The following PDZD8 variants were observed in gnomAD, a reference collection of about 807,000 sequenced individuals.
The protein encoded by PDZD8 is PDZ domain containing 8, also known as PDZ domain-containing protein 8.
A neutral mutation model predicts 85.8 loss-of-function variants in PDZD8; 14 were observed. The observed-to-expected ratio is 0.16, with a 90% CI of 0.11 to 0.26. The LOEUF (loss-of-function observed/expected upper bound fraction) is 0.26. Among genes scored for constraint, PDZD8 ranks in the 10% least tolerant of loss-of-function variants. The pLI, the probability that PDZD8 is intolerant of heterozygous loss-of-function variation, is 1.00. For missense variants in PDZD8, 1,197 were observed against 1,424.3 expected (o/e 0.84, Z 2.57); for synonymous variants, 592 against 568.6 (o/e 1.04, Z -0.59).
chr10:117,370,136 T>TA (rs1425390067), intron 1 of PDZD8, among the ~76,000 whole-genome samples: 2 of 152,206 alleles, frequency 1.3e-5, no homozygotes, highest in East Asian at 1.9e-4. Context: ...CTATTTTAAT[T>TA]AAAAAATCAA....
At chr10:117,323,518 A>C (rs1444036953) in intron 2 of PDZD8, among the ~76,000 whole-genome samples, 1 of 152,184 alleles carries the variant, frequency 6.6e-6, no homozygotes, top group Admixed American at 6.5e-5. Context: ...GGACAAAAGC[A>C]TAGACAATTT....
intron 1 of PDZD8, 96 bp from the exon 2 acceptor site, chr10:117,341,198 G>T: frequency 7.6e-7 from 1 of 1,308,408 alleles, no homozygotes; most frequent in Non-Finnish European, 1.1e-6. Context: ...AAAGCAAAAT[G>T]AACACCTAAT....
intron 1 of PDZD8, among the ~76,000 whole-genome samples, chr10:117,359,773 G>GT (rs1844964544): frequency 1.3e-5 from 2 of 152,130 alleles, no homozygotes; most frequent in Middle Eastern, 3.4e-3. Context: ...TATCACCTTT[G>GT]TATTTCTGCA....
At chr10:117,339,567 T>C (rs984206173) in intron 2 of PDZD8, among the ~76,000 whole-genome samples, 12 of 152,232 alleles carry the variant, frequency 7.9e-5, no homozygotes, top group Non-Finnish European at 1.0e-4. Flanking sequence ...AGGGTTTCTA[T>C]GTTTTTAAAT....
At chr10:117,333,118 A>AAAAAAAAAC (rs1554854836) in intron 2 of PDZD8, among the ~76,000 whole-genome samples, 22,434 of 96,682 alleles carry the variant, frequency 0.23, 6,316 homozygotes, top group Non-Finnish European at 0.32. Flanking sequence ...ACTCTGTCTC[A>AAAAAAAAAC]AAAAAAAAAA....
intron 3 of PDZD8, among the ~76,000 whole-genome samples, chr10:117,315,600 A>AAAAAC (rs1844113280): frequency 6.9e-6 from 1 of 145,246 alleles, no homozygotes. Flanking sequence ...AAAAAAAAAA[A>AAAAAC]AAAAAAAAAA....
chr10:117,344,643 T>A (rs1337505832), intron 1 of PDZD8, among the ~76,000 whole-genome samples: 1 of 152,156 alleles, frequency 6.6e-6, no homozygotes, highest in Non-Finnish European at 1.5e-5. Context: ...CACCTCGGCC[T>A]CCCAAAGTGC....
At chr10:117,371,326 AG>A (rs1845187557) in intron 1 of PDZD8, among the ~76,000 whole-genome samples, 1 of 152,114 alleles carries the variant, frequency 6.6e-6, no homozygotes. Context: ...CTGGGATTAC[AG>A]GCGCCCGCCA....
intron 1 of PDZD8, among the ~76,000 whole-genome samples, chr10:117,370,789 A>G (rs1275414620): frequency 7.1e-6 from 1 of 141,668 alleles, no homozygotes; most frequent in African/African-American, 2.8e-5. Context: ...TGACCAATTT[A>G]AGAAAAAAAA....
At chr10:117,289,502 C>T (rs1051368249) in intron 4 of PDZD8, among the ~76,000 whole-genome samples, 1 of 152,214 alleles carries the variant, frequency 6.6e-6, no homozygotes, top group Non-Finnish European at 1.5e-5. Context: ...AAGGCTTGGA[C>T]TTTCCCCTCA....
At chr10:117,301,087 C>G (rs1843839333) in intron 3 of PDZD8, among the ~76,000 whole-genome samples, 1 of 152,138 alleles carries the variant, frequency 6.6e-6, no homozygotes, top group African/African-American at 2.4e-5. Flanking sequence ...CTCCCAGGTT[C>G]AAATAATTCT....
intron 2 of PDZD8, among the ~76,000 whole-genome samples, chr10:117,325,971 T>G (rs56311829): frequency 0.014 from 2,069 of 152,198 alleles, 49 homozygotes; most frequent in African/African-American, 0.046. Context: ...ACTCACAAGA[T>G]GTGATGGTTT....
rs536751148 is a variant in PDZD8, at chr10:117,333,695, G to A, written c.995+7285C>T. 4.6e-5 allele frequency among the ~76,000 whole-genome samples: 7 copies of A among 152,216 alleles called. No individual in the cohort carries two copies. The South Asian group carries it at 1.5e-3, about 32-fold the overall frequency. On this transcript the variant is annotated intron_variant, in intron 2 of 4. Transcript: ENST00000334464. Reference sequence around the variant, plus strand: ...TGAATTTCAAAATTTCATAATATTAGCAGCCTTCCCTACAGAACTAAACAT... The same window carrying A: ...TGAATTTCAAAATTTCATAATATTAACAGCCTTCCCTACAGAACTAAACAT...
intron 3 of PDZD8, among the ~76,000 whole-genome samples, chr10:117,304,668 G>A (rs557407785): frequency 3.3e-5 from 5 of 152,182 alleles, no homozygotes; most frequent in South Asian, 4.2e-4. Context: ...CATGGGGGCC[G>A]GTCTTTCCCA....
At chr10:117,338,095 C>T (rs1844548627) in intron 2 of PDZD8, among the ~76,000 whole-genome samples, 1 of 151,960 alleles carries the variant, frequency 6.6e-6, no homozygotes, top group Non-Finnish European at 1.5e-5. Context: ...ATCCTATAAA[C>T]TTAAAATCTA....
At chr10:117,340,400 G>A (rs534159354) in intron 2 of PDZD8, among the ~76,000 whole-genome samples, 3 of 152,278 alleles carry the variant, frequency 2.0e-5, no homozygotes, top group Admixed American at 1.3e-4. Context: ...CATGATGTCT[G>A]ATCACCCTGG....
At chr10:117,366,524 A>G (rs1845093046) in intron 1 of PDZD8, among the ~76,000 whole-genome samples, 1 of 152,046 alleles carries the variant, frequency 6.6e-6, no homozygotes, top group African/African-American at 2.4e-5. Context: ...AAGGCCAGAT[A>G]GTATTTGTGG....
chr10:117,290,190 A>G lies in PDZD8; in HGVS notation c.1257T>C (p.Ile419=). The change falls in exon 4 of 5, where the codon ATT becomes ATC. Residue 419 remains isoleucine (I), a synonymous_variant. Transcript: ENST00000334464. ...AATGCATATTAGCATAATTACCTCC[A>G]ATGGCGATAAGTCGATCTCCCCGCT... is the stretch of plus-strand genomic sequence containing the variant. The part of the protein sequence containing the change: ...DLQRGDRLIA[I]GGVKITSTLQ... The G allele has an allele frequency of 6.2e-7, 1 of 1,613,008 alleles. No individual in the cohort carries two copies. Among genetic ancestry groups the G allele is most frequent in the Non-Finnish European group, 8.5e-7 (1 of 1,179,622 alleles).
chr10:117,337,166 TC>T (rs146755440), intron 2 of PDZD8, among the ~76,000 whole-genome samples: 4,724 of 152,306 alleles, frequency 0.031, 88 homozygotes, highest in Non-Finnish European at 0.048. Context: ...TGATCTCTTT[TC>T]CATGTTTTTG....
Sources: gnomAD v4.1 joint callset for allele counts (sites outside exome capture counted in the v4.1 genomes callset) on GRCh38, gnomAD v4.1.1 for gene constraint, MANE v1.5 for transcripts, NCBI Gene and HGNC (gene_info 2026-07-23, HGNC 2026-07-21) for gene names.